The following GLS variants were observed in gnomAD, a reference collection of about 807,000 sequenced individuals.
The protein encoded by GLS is glutaminase kidney isoform, mitochondrial.
Under a neutral mutation model 86.7 loss-of-function variants are expected in GLS, and 36 were observed. That is an observed-to-expected ratio of 0.42 (90% CI 0.32 to 0.55). GLS has a LOEUF of 0.55. GLS is among the 20% of genes least tolerant of loss of function. The pLI is 0.17. For missense variants in GLS, 528 were observed against 833.4 expected (o/e 0.63, Z 4.51); for synonymous variants, 317 against 305.9 (o/e 1.04, Z -0.38).
chr2:190,959,439 A>G (rs1690946132), intron 17 of GLS, among the ~76,000 whole-genome samples: 1 of 152,042 alleles, frequency 6.6e-6, no homozygotes, highest in South Asian at 2.1e-4. Context: ...TAATATTGTT[A>G]TGTGTGAATT....
chr2:190,896,767 G>C (rs1019086285), intron 3 of GLS, among the ~76,000 whole-genome samples: 2 of 152,144 alleles, frequency 1.3e-5, no homozygotes, highest in African/African-American at 4.8e-5. Flanking sequence ...TTAGGTCCGT[G>C]TTGCAGTTGG....
intron 17 of GLS, among the ~76,000 whole-genome samples, chr2:190,961,172 G>A (rs1308588529): frequency 1.3e-5 from 2 of 152,168 alleles, no homozygotes; most frequent in African/African-American, 4.8e-5. Context: ...TAGAATCAGT[G>A]TCACCTTAAA....
At chr2:190,891,541 G>A (rs1389192250) in intron 1 of GLS, among the ~76,000 whole-genome samples, 1 of 152,022 alleles carries the variant, frequency 6.6e-6, no homozygotes, top group East Asian at 1.9e-4. Flanking sequence ...GGAATTATAA[G>A]GATTAAGTTA....
chr2:190,888,790 A>G (rs891591410), intron 1 of GLS, among the ~76,000 whole-genome samples: 3 of 152,106 alleles, frequency 2.0e-5, no homozygotes, highest in Non-Finnish European at 4.4e-5. Flanking sequence ...GGATTTTTGT[A>G]TCTTGTATCA....
chr2:190,919,368 A>T (rs956813551), intron 7 of GLS, among the ~76,000 whole-genome samples: 12 of 152,170 alleles, frequency 7.9e-5, no homozygotes, highest in Admixed American at 7.9e-4. Flanking sequence ...CATAGTCTAG[A>T]GTTGAATGGT....
intron 14 of GLS, among the ~76,000 whole-genome samples, chr2:190,945,299 G>C (rs537392399): frequency 4.4e-4 from 67 of 152,244 alleles, no homozygotes; most frequent in African/African-American, 1.5e-3. Context: ...TAGGTTGTCA[G>C]ATTTTTTGAC....
At chr2:190,915,902 C>G (rs145707962) in intron 7 of GLS, among the ~76,000 whole-genome samples, 478 of 152,282 alleles carry the variant, frequency 3.1e-3, no homozygotes, top group African/African-American at 0.01. Flanking sequence ...CTTAAGTTGT[C>G]AGTCAATAGG....
chr2:190,925,891 T>C (rs1689879421), intron 11 of GLS, among the ~76,000 whole-genome samples: 1 of 152,232 alleles, frequency 6.6e-6, no homozygotes, highest in Admixed American at 6.5e-5. Flanking sequence ...CCATATTATG[T>C]GGAAGATAAC....
Position 190,955,896 on chromosome 2 carries a change from CAT to C in GLS, c.1853+1079_1853+1080del, listed in dbSNP as rs549291785. 1.5e-3 allele frequency among the ~76,000 whole-genome samples: 221 copies of C among 152,252 alleles called. No homozygotes were observed. In the Middle Eastern group the frequency reaches 0.034, roughly 23 times the overall value. On this transcript the variant is annotated intron_variant, in intron 17 of 17. Transcript: ENST00000320717. This position sits in a 1 kb window ranked among gnomAD's most constrained non-coding sequence, Gnocchi z 5.6. ...ACCAGTGATGATGATATTTTTTTCA[CAT>C]GTTTGTTGGCTGCATAAATGTCTTC...
intron 14 of GLS, chr2:190,934,609 T>TC: frequency 1.0e-6 from 1 of 984,422 alleles, no homozygotes; most frequent in South Asian, 4.7e-5. Context: ...CATTGTGGTT[T>TC]CCCCTATGAT....
Position 190,895,260 on chromosome 2 carries a change from T to A in GLS, c.483+12T>A, listed in dbSNP as rs762494781. 1.1e-5 allele frequency: 11 copies of A among 1,021,710 alleles called. No individual in the cohort carries two copies. Among genetic ancestry groups the A allele is most frequent in the Middle Eastern group, 5.3e-4 (2 of 3,776 alleles). The allele number at this position is 1,021,710 out of a possible 1,614,324, so 63.3% of individuals were successfully genotyped here. A position where few individuals can be genotyped will look rare whatever the true frequency, so the allele number is the denominator to read the frequency against. On this transcript the variant is annotated intron_variant, in intron 2 of 17. Coordinates refer to ENST00000320717, the MANE Select transcript of GLS (RefSeq NM_014905.5). The surrounding 1 kb of genome is among the most constrained non-coding windows in gnomAD (Gnocchi z 4.2). ...ATAAATTTATTACAGTAAGTTTTTA[T>A]ATTTTTCTATCTTAACTTAAAAAAA...
In GLS at chr2:190,913,570, A is replaced by G. The variant is rs1326910128; in HGVS notation, c.1038+3249A>G. ...AGGAAAGAACAAAAATAAATTTGAA[A>G]GGAACAGTTATTTTTATATGATGTA... On this transcript the variant is annotated intron_variant, in intron 7 of 17. Transcript: ENST00000320717. The surrounding 1 kb of genome is among the most constrained non-coding windows in gnomAD (Gnocchi z 6.1). 3 of 960,994 alleles carry G rather than the reference A, an allele frequency of 3.1e-6. No individual in the cohort carries two copies. Among genetic ancestry groups the G allele is most frequent in the African/African-American group, 3.5e-5 (2 of 56,758 alleles). 59.5% of individuals were successfully genotyped at this position (960,994 alleles called of 1,614,324 possible).
In GLS at chr2:190,914,550, G is replaced by C. The variant is rs1689461749; in HGVS notation, c.1038+4229G>C. Among the ~76,000 whole-genome samples, 1 of 150,796 alleles carries C rather than the reference G, an allele frequency of 6.6e-6. No individual in the cohort carries two copies. Among genetic ancestry groups the C allele is most frequent in the Non-Finnish European group, 1.5e-5 (1 of 67,770 alleles). ...CTAGAAAAACATTCTTTTTTACCTG[G>C]AGTGTCTTATTTTTTATTTTCCTAA... On this transcript the variant is annotated intron_variant, in intron 7 of 17. Coordinates refer to ENST00000320717, the MANE Select transcript of GLS (RefSeq NM_014905.5). The surrounding 1 kb of genome is among the most constrained non-coding windows in gnomAD (Gnocchi z 4.4).
At position 190,915,292 on chromosome 2, in the gene GLS, G is replaced by A. The variant is rs540253823; in HGVS notation, c.1038+4971G>A. ...TGGGATTACAGACGTGAGCCACCGC[G>A]CCCGGCCTAAATTTGTATAATTTTC... On this transcript the variant is annotated intron_variant, in intron 7 of 17. Coordinates refer to ENST00000320717, the MANE Select transcript of GLS (RefSeq NM_014905.5). Among the ~76,000 whole-genome samples, 10 of 151,682 alleles carry A rather than the reference G, an allele frequency of 6.6e-5. No homozygotes were observed. In the East Asian group the frequency reaches 1.4e-3, roughly 21 times the overall value.
At chr2:190,882,686 G>T (rs1351239264) in intron 1 of GLS, among the ~76,000 whole-genome samples, 1 of 152,080 alleles carries the variant, frequency 6.6e-6, no homozygotes, top group African/African-American at 2.4e-5. Flanking sequence ...GACTGAAAAA[G>T]ATTATTTGAA....
intron 1 of GLS, among the ~76,000 whole-genome samples, chr2:190,882,730 A>G (rs182068761): frequency 6.6e-6 from 1 of 152,334 alleles, no homozygotes; most frequent in African/African-American, 2.4e-5. Context: ...AATTTGTGGT[A>G]TTTTGTGATG....
intron 17 of GLS, among the ~76,000 whole-genome samples, chr2:190,960,539 A>ATTTATTT (rs10665259): frequency 0.6 from 89,932 of 148,836 alleles, 27,788 homozygotes; most frequent in Admixed American, 0.67. Context: ...TAATTTATTT[A>ATTTATTT]TTTATTTTTT....
At chr2:190,911,834 G>T (rs1689371792) in intron 7 of GLS, among the ~76,000 whole-genome samples, 6 of 152,042 alleles carry the variant, frequency 3.9e-5, no homozygotes, top group Admixed American at 3.9e-4. Flanking sequence ...ACTCTTCGAG[G>T]CTGATCCATG....
chr2:190,881,168 A>G lies in GLS; in HGVS notation c.84A>G (p.Ala28=), dbSNP rs762207987. The change falls in exon 1 of 18, where the codon GCA becomes GCG. Residue 28 remains alanine, a synonymous_variant. Transcript: ENST00000320717. ...PAGVSATLRR[A]QPLVTLCRRP... ...GCGTGAGCGCGACTCTGCGGCGGGC[A>G]CAGCCCTTGGTCACCCTGTGCCGGC... 1.3e-6 allele frequency: 2 copies of G among 1,535,004 alleles called. No homozygotes were observed. The highest frequency in any genetic ancestry group is 2.5e-5 in the East Asian group (1 of 39,664).
Sources: gnomAD v4.1 joint callset for allele counts (sites outside exome capture counted in the v4.1 genomes callset) on GRCh38, gnomAD v4.1.1 for gene constraint, Gnocchi (gnomAD v3.1) non-coding constraint, MANE v1.5 for transcripts, NCBI Gene and HGNC (gene_info 2026-07-23, HGNC 2026-07-21) for gene names.